SDK1: variants seen among roughly 807,000 people sequenced by gnomAD.
SDK1 encodes the protein sidekick cell adhesion molecule 1, also known as protein sidekick-1.
In SDK1, 157 loss-of-function variants were observed where a neutral mutation model predicts 245.5. The observed-to-expected ratio is 0.64, with a 90% CI of 0.56 to 0.73. The LOEUF (loss-of-function observed/expected upper bound fraction) is 0.73, where lower values mean the gene tolerates loss of function less well. SDK1 is among the 30% of genes least tolerant of loss of function. SDK1 has a pLI of 0.00. For missense variants in SDK1, 3,583 were observed against 3,002.3 expected (o/e 1.19, Z -4.52); for synonymous variants, 1,647 against 1,278.5 (o/e 1.29, Z -6.15).
chr7:4,040,464 G>A (rs1022630873), intron 17 of SDK1, among the ~76,000 whole-genome samples: 1 of 149,716 alleles, frequency 6.7e-6, no homozygotes, highest in Non-Finnish European at 1.5e-5. Context: ...GTTGTCTCAC[G>A]CTGACGAAAT....
intron 1 of SDK1, among the ~76,000 whole-genome samples, chr7:3,365,227 G>T (rs1326014298): frequency 6.6e-6 from 1 of 152,160 alleles, no homozygotes; most frequent in Non-Finnish European, 1.5e-5. Context: ...GCTAGAGAAT[G>T]GTGGTAGTGG....
chr7:3,327,518 C>T (rs1779966474), intron 1 of SDK1, among the ~76,000 whole-genome samples: 1 of 152,136 alleles, frequency 6.6e-6, no homozygotes, highest in African/African-American at 2.4e-5. Context: ...ACATACCCAT[C>T]TCTCCAAACA....
intron 1 of SDK1, among the ~76,000 whole-genome samples, chr7:3,610,089 G>A (rs1245431187): frequency 5.9e-5 from 9 of 152,212 alleles, no homozygotes; most frequent in African/African-American, 2.2e-4. Context: ...TCCATGGTTT[G>A]TAACTTTGCT....
At chr7:3,654,206 A>T (rs1268730616) in intron 4 of SDK1, among the ~76,000 whole-genome samples, 3 of 152,182 alleles carry the variant, frequency 2.0e-5, no homozygotes, top group Admixed American at 6.5e-5. Flanking sequence ...TGTAAAATCT[A>T]GAAAGTTCTT....
At chr7:3,607,129 C>T (rs888013676) in intron 1 of SDK1, among the ~76,000 whole-genome samples, 1 of 151,852 alleles carries the variant, frequency 6.6e-6, no homozygotes, top group Non-Finnish European at 1.5e-5. Context: ...TAGTCACTAC[C>T]TGCACTACAC....
At chr7:4,073,787 G>A (rs529349162) in intron 20 of SDK1, among the ~76,000 whole-genome samples, 11 of 152,252 alleles carry the variant, frequency 7.2e-5, no homozygotes, top group Middle Eastern at 3.4e-3. Flanking sequence ...AAACTCACCC[G>A]TCCAAACCCA....
At chr7:4,196,542 C>G (rs1783587181) in intron 35 of SDK1, among the ~76,000 whole-genome samples, 1 of 152,196 alleles carries the variant, frequency 6.6e-6, no homozygotes, top group Non-Finnish European at 1.5e-5. Flanking sequence ...CCCTTGCTCT[C>G]CACGCCGTAA....
At position 4,268,869 on chromosome 7, in the gene SDK1, G is replaced by C; in HGVS notation, c.*3485G>C. On this transcript the variant is annotated 3_prime_UTR_variant, in exon 45 of 45. Transcript: ENST00000404826. ...TTAGGGAGCCGTCAGGTCCCTAAAC[G>C]TTCCCTACAACTTTTTCTGAAATTG... The C allele has an allele frequency of 1.8e-6, 1 of 571,220 alleles. No individual in the cohort carries two copies. The highest frequency in any genetic ancestry group is 1.7e-5 in the South Asian group (1 of 59,546). 35.4% of individuals were successfully genotyped at this position (571,220 alleles called of 1,614,324 possible).
intron 1 of SDK1, among the ~76,000 whole-genome samples, chr7:3,549,825 G>C (rs1007325616): frequency 4.6e-5 from 7 of 151,940 alleles, no homozygotes; most frequent in African/African-American, 1.7e-4. Flanking sequence ...TGTTAACAGA[G>C]ATCTGAATCA....
chr7:4,168,512 A>T (rs1781637394), intron 32 of SDK1, among the ~76,000 whole-genome samples: 2 of 152,128 alleles, frequency 1.3e-5, no homozygotes, highest in Admixed American at 1.3e-4. Context: ...GCCCAGGGAG[A>T]ACATTTTTAT....
At chr7:4,158,177 C>T (rs772967391) in intron 30 of SDK1, among the ~76,000 whole-genome samples, 1 of 152,226 alleles carries the variant, frequency 6.6e-6, no homozygotes, top group East Asian at 1.9e-4. Context: ...CAGCTCCTTT[C>T]TCCCTGAGGA....
At chr7:3,465,301 C>A (rs907872041) in intron 1 of SDK1, among the ~76,000 whole-genome samples, 2 of 152,092 alleles carry the variant, frequency 1.3e-5, no homozygotes, top group Admixed American at 6.5e-5. Flanking sequence ...TCATAATTCT[C>A]CCCAGCATTT....
At chr7:3,736,075 A>G (rs939704036) in intron 4 of SDK1, among the ~76,000 whole-genome samples, 2 of 152,052 alleles carry the variant, frequency 1.3e-5, no homozygotes, top group Admixed American at 6.5e-5. Flanking sequence ...TTCTTTATAT[A>G]TTCTGAATAT....
chr7:3,611,203 A>C (rs910623746), intron 1 of SDK1, among the ~76,000 whole-genome samples: 2 of 152,164 alleles, frequency 1.3e-5, no homozygotes, highest in Non-Finnish European at 2.9e-5. Flanking sequence ...TTGAAAGTCT[A>C]CCACTGGGAA....
chr7:3,400,583 A>G (rs999887844), intron 1 of SDK1, among the ~76,000 whole-genome samples: 2 of 152,300 alleles, frequency 1.3e-5, no homozygotes, highest in East Asian at 3.9e-4. Flanking sequence ...AAATAGATAA[A>G]CATAAAACTA....
At chr7:3,564,163 A>C (rs1554290129) in intron 1 of SDK1, among the ~76,000 whole-genome samples, 1 of 152,006 alleles carries the variant, frequency 6.6e-6, no homozygotes, top group Admixed American at 6.5e-5. Context: ...AAGAACACAA[A>C]GCAAATTTCA....
At chr7:4,188,665 T>C (rs1210194572) in intron 35 of SDK1, among the ~76,000 whole-genome samples, 3 of 151,558 alleles carry the variant, frequency 2.0e-5, no homozygotes, top group Admixed American at 6.6e-5. Context: ...ATGTTTTCCA[T>C]TAAACTCTTT....
chr7:3,601,349 A>G (rs1032661873), intron 1 of SDK1, among the ~76,000 whole-genome samples: 17 of 152,156 alleles, frequency 1.1e-4, no homozygotes, highest in African/African-American at 4.1e-4. Context: ...CTGGGTCTGG[A>G]GAATTTTTAT....
At chr7:3,789,351 T>A (rs183645093) in intron 4 of SDK1, among the ~76,000 whole-genome samples, 33 of 152,278 alleles carry the variant, frequency 2.2e-4, no homozygotes, top group Admixed American at 9.8e-4. Context: ...CTTCTCCATG[T>A]TGGTCAGGCT....
Sources: allele counts gnomAD v4.1 joint callset (sites outside exome capture counted in the v4.1 genomes callset), GRCh38; gene constraint gnomAD v4.1.1; transcripts MANE v1.5; gene names NCBI Gene and HGNC (gene_info 2026-07-23, HGNC 2026-07-21).